MYCT1: variants seen among roughly 807,000 people sequenced by gnomAD.
The protein encoded by MYCT1 is MYC target 1.
A neutral mutation model predicts 15.0 loss-of-function variants in MYCT1; 12 were observed. That is an observed-to-expected ratio of 0.80 (90% CI 0.51 to 1.29). MYCT1 has a LOEUF of 1.29. MYCT1 is among the 50% of genes most tolerant of loss of function. The pLI, the probability that MYCT1 is intolerant of heterozygous loss-of-function variation, is 0.00. For missense variants in MYCT1, 287 were observed against 279.1 expected, an observed-to-expected ratio of 1.03 and a Z score of -0.20; for synonymous variants, 104 against 102.7, an observed-to-expected ratio of 1.01 and a Z score of -0.07.
the MYCT1 span, among the ~76,000 whole-genome samples, chr6:152,738,663 T>C: frequency 6.6e-6 from 1 of 152,136 alleles, no homozygotes; most frequent in Admixed American, 6.5e-5. Flanking sequence ...TAATGCAAAT[T>C]AATCCTTAAG....
At chr6:152,742,175 T>G in the MYCT1 span, among the ~76,000 whole-genome samples, 1 of 152,092 alleles carries the variant, frequency 6.6e-6, no homozygotes, top group Non-Finnish European at 1.5e-5. Flanking sequence ...ATGCTCAGTG[T>G]TAGGCTGGGG....
At chr6:152,729,885 G>A in the MYCT1 span, among the ~76,000 whole-genome samples, 1 of 152,150 alleles carries the variant, frequency 6.6e-6, no homozygotes, top group Non-Finnish European at 1.5e-5. Context: ...GTGTTTTGGG[G>A]TAGGGATCCA....
In MYCT1 at chr6:152,707,500, G is replaced by A. The variant is rs934607270; in HGVS notation, c.196+9402G>A. 3.9e-5 allele frequency among the ~76,000 whole-genome samples: 6 copies of A among 152,008 alleles called. No homozygotes were observed. In the East Asian group the frequency reaches 1.2e-3, roughly 29 times the overall value. On this transcript the variant is annotated intron_variant, in intron 1 of 1. Coordinates refer to ENST00000367245, the MANE Select transcript of MYCT1 (RefSeq NM_025107.3). ...ATTTCCTTTACTGTGCAGAAGCTTT[G>A]TAGTTTGACACAATTCTACTTGTCT...
chr6:152,716,451 C>G (rs1413418649), intron 1 of MYCT1, among the ~76,000 whole-genome samples: 1 of 152,112 alleles, frequency 6.6e-6, no homozygotes, highest in African/African-American at 2.4e-5. Context: ...ATGTTACATT[C>G]TGCCATCACT....
chr6:152,744,167 C>G, the MYCT1 span, among the ~76,000 whole-genome samples: 1 of 152,106 alleles, frequency 6.6e-6, no homozygotes. Flanking sequence ...GGAGGGGACT[C>G]GAGGAGCATC....
Position 152,721,821 on chromosome 6 carries a change from T to G in MYCT1, c.276T>G (p.Cys92Trp), listed in dbSNP as rs151303367. 1.9e-6 allele frequency: 3 copies of G among 1,614,126 alleles called. No homozygotes were observed. Among genetic ancestry groups the G allele is most frequent in the Non-Finnish European group, 2.5e-6 (3 of 1,180,020 alleles). Residue 92 changes from cysteine to tryptophan, a missense_variant, in exon 2 of 2, where the codon TGT becomes TGG. Cys to Trp is a radical substitution (Grantham distance 215). Transcript: ENST00000367245. ...LGGFIWAVFI[C>W]LSRRRRASAP... ...GATTTATTTGGGCTGTGTTCATTTG[T>G]CTGTCTCGAAGAAGAAGAGCCAGTG...
At chr6:152,726,830 G>A (rs572018754), downstream of MYCT1, among the ~76,000 whole-genome samples, 1 of 152,270 alleles carries the variant, frequency 6.6e-6, no homozygotes, top group Admixed American at 6.5e-5. Context: ...AGAATCACAT[G>A]ATACTGGACA....
chr6:152,725,551 A>C (rs570596820), downstream of MYCT1, among the ~76,000 whole-genome samples: 1 of 152,206 alleles, frequency 6.6e-6, no homozygotes, highest in East Asian at 1.9e-4. Context: ...TTCCCAAAGC[A>C]CTGAGATCAC....
chr6:152,721,999 C>A lies in MYCT1; in HGVS notation c.454C>A (p.Gln152Lys), dbSNP rs781664241. Residue 152 changes from glutamine to lysine, a missense_variant, in exon 2 of 2, where the codon CAA becomes AAA. Gln to Lys is a moderately conservative substitution (Grantham distance 53). Transcript: ENST00000367245. The stretch of plus-strand genomic sequence containing the variant: ...CTTCCAGCGACAAGCTTCCCTGGAA[C>A]AAGCAAATTCCTTTCCAAGAAAATC... ...LTFQRQASLE[Q>K]ANSFPRKSSF... 5 of 1,614,188 alleles carry A rather than the reference C, an allele frequency of 3.1e-6. No homozygotes were observed. The highest frequency in any genetic ancestry group is 4.2e-6 in the Non-Finnish European group (5 of 1,180,034).
At chr6:152,714,314 T>C (rs1329602016) in intron 1 of MYCT1, among the ~76,000 whole-genome samples, 3 of 150,384 alleles carry the variant, frequency 2.0e-5, no homozygotes, top group Admixed American at 6.6e-5. Context: ...TCTTTTTTTT[T>C]TTTTTTTGCC....
At chr6:152,735,716 A>G in the MYCT1 span, among the ~76,000 whole-genome samples, 1 of 152,112 alleles carries the variant, frequency 6.6e-6, no homozygotes, top group African/African-American at 2.4e-5. Flanking sequence ...AATTTTCTAA[A>G]GTATTATAAC....
the MYCT1 span, among the ~76,000 whole-genome samples, chr6:152,739,551 G>A: frequency 6.6e-6 from 1 of 151,788 alleles, no homozygotes; most frequent in Non-Finnish European, 1.5e-5. Context: ...TTTGATCAGA[G>A]GTAATGATTT....
the MYCT1 span, among the ~76,000 whole-genome samples, chr6:152,731,723 T>A: frequency 3.3e-5 from 5 of 151,224 alleles, no homozygotes; most frequent in African/African-American, 1.2e-4. Flanking sequence ...GTATAAAGCA[T>A]CACGAGTAAG....
intron 1 of MYCT1, among the ~76,000 whole-genome samples, chr6:152,717,346 G>C (rs924301500): frequency 6.6e-6 from 1 of 152,194 alleles, no homozygotes; most frequent in Non-Finnish European, 1.5e-5. Context: ...TCTGTCAGCA[G>C]TATTATTTGT....
chr6:152,705,598 T>G (rs2099722116), intron 1 of MYCT1: 1 of 159,908 alleles, frequency 6.3e-6, no homozygotes, highest in Non-Finnish European at 1.4e-5. Context: ...GGTCCCTGAC[T>G]TATGATAGTT....
At chr6:152,734,173 C>T in the MYCT1 span, among the ~76,000 whole-genome samples, 1,092 of 152,170 alleles carry the variant, frequency 7.2e-3, 20 homozygotes, top group African/African-American at 0.025. Flanking sequence ...TAAGAGCATA[C>T]TCTTCCTCAA....
the MYCT1 span, among the ~76,000 whole-genome samples, chr6:152,735,520 C>A: frequency 6.6e-6 from 1 of 152,046 alleles, no homozygotes; most frequent in African/African-American, 2.4e-5. Context: ...AAACATTTAG[C>A]TATATCCATG....
rs943134131 is a variant in MYCT1, at chr6:152,723,492, G to A, written c.*1239G>A. The A allele has an allele frequency of 6.6e-6, 1 of 152,196 alleles. No individual in the cohort carries two copies. Among genetic ancestry groups the A allele is most frequent in the African/African-American group, 2.4e-5 (1 of 41,448 alleles). The allele number at this position is 152,196 out of a possible 1,614,324, so 9.4% of individuals were successfully genotyped here. A position where few individuals can be genotyped will look rare whatever the true frequency, so the allele number is the denominator to read the frequency against. ...ATAAGTATGAGTCACTGGGGAGAGA[G>A]TTTGTTATTGAAATAGATGTTGCCC... is the stretch of plus-strand genomic sequence containing the variant. On this transcript the variant is annotated 3_prime_UTR_variant, in exon 2 of 2. Transcript: ENST00000367245.
chr6:152,703,935 CCT>C (rs958838045), intron 1 of MYCT1, among the ~76,000 whole-genome samples: 1 of 144,716 alleles, frequency 6.9e-6, no homozygotes, highest in South Asian at 2.2e-4. Flanking sequence ...AAATATTTTC[CCT>C]GTTTTTTATT....
Sources: gnomAD v4.1 joint callset for allele counts (sites outside exome capture counted in the v4.1 genomes callset) on GRCh38, gnomAD v4.1.1 for gene constraint, MANE v1.5 for transcripts, NCBI Gene and HGNC (gene_info 2026-07-23, HGNC 2026-07-21) for gene names.